The following COL27A1 variants were observed in gnomAD, a reference collection of about 807,000 sequenced individuals.
COL27A1 encodes collagen type XXVII alpha 1 chain, also known as collagen alpha-1(XXVII) chain.
COL27A1 carries 106 observed loss-of-function variants against 251.3 expected under a neutral mutation model. The observed-to-expected ratio is 0.42, with a 90% CI of 0.36 to 0.50. The LOEUF (loss-of-function observed/expected upper bound fraction) is 0.50. Among genes scored for constraint, COL27A1 ranks in the 20% least tolerant of loss-of-function variants. The probability of loss-of-function intolerance (pLI) is 0.00; values close to 1 mark genes in which losing one functional copy is unlikely to be tolerated. For synonymous variants in COL27A1, 1,000 were observed against 986.3 expected (o/e 1.01, Z -0.26); for missense variants, 2,325 against 2,522.8 (o/e 0.92, Z 1.68).
intron 37 of COL27A1, among the ~76,000 whole-genome samples, chr9:114,279,512 C>T (rs1043653681): frequency 6.6e-6 from 1 of 152,128 alleles, no homozygotes; most frequent in East Asian, 1.9e-4. Flanking sequence ...TTTCTAGTAG[C>T]CACCTTTAAA....
At position 114,182,614 on chromosome 9, in the gene COL27A1, A is replaced by T. The variant is rs188848802; in HGVS notation, c.1963-408A>T. ...AGCCTGAAGAAGCTGGGAAGGGCTGACGGGGCTAGGCTGAGAGATGTGGAG... is the reference window on the plus strand; with the variant it reads ...AGCCTGAAGAAGCTGGGAAGGGCTGTCGGGGCTAGGCTGAGAGATGTGGAG... On this transcript the variant is annotated intron_variant, in intron 4 of 60. Transcript: ENST00000356083. Among the ~76,000 whole-genome samples the T allele has an allele frequency of 5.2e-3, 797 of 152,296 alleles. 12 individuals are homozygous for T. The highest frequency in any genetic ancestry group is 0.019 in the African/African-American group (770 of 41,578).
chr9:114,220,872 G>A (rs549348252), intron 13 of COL27A1, among the ~76,000 whole-genome samples: 2 of 152,176 alleles, frequency 1.3e-5, no homozygotes, highest in African/African-American at 4.8e-5. Flanking sequence ...GCAGGCATCT[G>A]TAATCCCAGG....
intron 57 of COL27A1, chr9:114,306,166 A>C: frequency 5.3e-6 from 1 of 189,582 alleles, no homozygotes; most frequent in Admixed American, 5.7e-5. Flanking sequence ...AGCTCCCCCC[A>C]GCACCTCCCC....
chr9:114,251,416 C>T (rs1369143299), intron 25 of COL27A1, among the ~76,000 whole-genome samples: 1 of 152,092 alleles, frequency 6.6e-6, no homozygotes, highest in Admixed American at 6.5e-5. Context: ...CCTTCCTCCT[C>T]CTCCTCCTCC....
intron 7 of COL27A1, among the ~76,000 whole-genome samples, chr9:114,204,390 TA>T (rs1393982149): frequency 1.3e-5 from 2 of 152,220 alleles, no homozygotes; most frequent in Non-Finnish European, 2.9e-5. Context: ...CAGGTGATTA[TA>T]CCTGGTGCCA....
intron 34 of COL27A1, among the ~76,000 whole-genome samples, chr9:114,268,235 C>G (rs1340578078): frequency 6.6e-6 from 1 of 151,952 alleles, no homozygotes; most frequent in African/African-American, 2.4e-5. Context: ...CTCTGCCCTC[C>G]TCCTGTGCCC....
At position 114,288,455 on chromosome 9, in the gene COL27A1, G is replaced by T. The variant is rs1416466386; in HGVS notation, c.3988G>T (p.Gly1330Trp). The T allele has an allele frequency of 1.2e-6, 2 of 1,609,988 alleles. No individual in the cohort carries two copies. The highest frequency in any genetic ancestry group is 8.5e-7 in the Non-Finnish European group (1 of 1,178,888). Residue 1330 changes from glycine (G) to tryptophan (W), a missense_variant and splice_region_variant, in exon 42 of 61, where the codon GGG (glycine) becomes TGG (tryptophan). Gly to Trp is a radical substitution (Grantham distance 184). Around this residue, in one of 4 missense-constraint regions of COL27A1, gnomAD observed 662 missense variants for 795.3 expected, o/e 0.83. Transcript: ENST00000356083. ...LGPPGPKGEK[G>W]EQGEDGKAEG... ...CCTAAAGCTGGTTCTGTGTCCACAG[G>T]GGGAGCAGGGCGAGGACGGCAAGGC...
chr9:114,285,478 CCTGT>C (rs1827407053), intron 41 of COL27A1, among the ~76,000 whole-genome samples: 1 of 152,164 alleles, frequency 6.6e-6, no homozygotes, highest in African/African-American at 2.4e-5. Flanking sequence ...CTGAGTCCCT[CCTGT>C]CTTTCCTCCT....
At chr9:114,159,211 G>C (rs184172891) in intron 1 of COL27A1, among the ~76,000 whole-genome samples, 2 of 152,306 alleles carry the variant, frequency 1.3e-5, no homozygotes, top group East Asian at 3.9e-4. Context: ...TTGAAGAGAA[G>C]ATTCTGATTC....
intron 25 of COL27A1, among the ~76,000 whole-genome samples, chr9:114,251,277 T>C (rs1588770211): frequency 6.6e-6 from 1 of 152,164 alleles, no homozygotes; most frequent in South Asian, 2.1e-4. Context: ...ATTATTCCCA[T>C]TGAATAGATG....
intron 59 of COL27A1, 152 bp from the exon 60 acceptor site, chr9:114,309,108 G>A (rs944202309): frequency 2.5e-5 from 18 of 718,574 alleles, no homozygotes; most frequent in Middle Eastern, 6.3e-4. Flanking sequence ...CAGTTTCCCC[G>A]TCTATCAAGT....
intron 4 of COL27A1, among the ~76,000 whole-genome samples, chr9:114,180,612 G>C (rs1827826640): frequency 6.6e-6 from 1 of 152,160 alleles, no homozygotes; most frequent in African/African-American, 2.4e-5. Flanking sequence ...ACAGATGGGG[G>C]CTCTGGGGCT....
At chr9:114,230,722 C>T (rs558214491) in intron 14 of COL27A1, among the ~76,000 whole-genome samples, 5 of 152,188 alleles carry the variant, frequency 3.3e-5, no homozygotes, top group African/African-American at 1.2e-4. Flanking sequence ...ACAGCAGCTC[C>T]GGGGGGACAG....
intron 34 of COL27A1, 147 bp from the exon 35 acceptor site, chr9:114,269,094 C>T (rs1052854831): frequency 1.7e-6 from 1 of 575,602 alleles, no homozygotes; most frequent in Non-Finnish European, 3.1e-6. Context: ...TGGTGTTTTA[C>T]GATTTCTCTG....
chr9:114,301,044 G>A (rs751734763), intron 51 of COL27A1, 28 bp from the exon 52 acceptor site: 3 of 1,581,306 alleles, frequency 1.9e-6, no homozygotes, highest in Admixed American at 1.8e-5. Flanking sequence ...CTGGAACAAG[G>A]ACACATGAGC....
chr9:114,227,347 G>T (rs925096568), intron 14 of COL27A1, among the ~76,000 whole-genome samples: 3 of 146,414 alleles, frequency 2.0e-5, no homozygotes, highest in Admixed American at 1.4e-4. Flanking sequence ...GCCAACTCAG[G>T]CCTTGTGAGC....
chr9:114,306,528 C>G lies in COL27A1; in HGVS notation c.4947C>G (p.Ser1649Arg). 6.2e-7 allele frequency: 1 copy of G among 1,614,018 alleles called. No individual in the cohort carries two copies. The highest frequency in any genetic ancestry group is 8.5e-7 in the Non-Finnish European group (1 of 1,180,004). Residue 1649 changes from serine (S) to arginine (R), a missense_variant, in exon 58 of 61, where the codon AGC (serine) becomes AGG (arginine). Physicochemically the swap from Ser to Arg is moderately radical, Grantham distance 110. Transcript: ENST00000356083. ...CCCTCTCCTCGTGACAGAGTTACAG[C>G]TATCCAGACCGGCTGGTGCTGGACC... ...TSGALRPESY[S>R]YPDRLVLDQG...
At chr9:114,200,986 G>A (rs1007022023) in intron 7 of COL27A1, among the ~76,000 whole-genome samples, 6 of 152,204 alleles carry the variant, frequency 3.9e-5, no homozygotes, top group East Asian at 1.9e-4. Flanking sequence ...AGGCAAGGAC[G>A]GGACCCCTCC....
At position 114,168,771 on chromosome 9, in the gene COL27A1, C is replaced by G. The variant is rs1849088219; in HGVS notation, c.1216C>G (p.Gln406Glu). ...FTKSALPTQK[Q>E]VPPTSRPVPA... ...AAAGTCAGCCCTACCCACTCAGAAG[C>G]AAGTGCCACCTACTTCCCGTCCAGT... is the stretch of plus-strand genomic sequence containing the variant. Residue 406 changes from glutamine (Q) to glutamate (E), a missense_variant, in exon 3 of 61, where the codon CAA becomes GAA. Gln to Glu is a conservative substitution (Grantham distance 29). This residue lies in a region of COL27A1 where 1,183 missense variants were observed against 1,144.1 expected (regional missense o/e 1.03). Transcript: ENST00000356083. 2 of 1,614,026 alleles carry G rather than the reference C, an allele frequency of 1.2e-6. No individual in the cohort carries two copies. The highest frequency in any genetic ancestry group is 2.2e-5 in the East Asian group (1 of 44,868).
Sources: gnomAD v4.1 joint callset for allele counts (sites outside exome capture counted in the v4.1 genomes callset) on GRCh38, gnomAD v4.1.1 for gene constraint, gnomAD v4.1.1 regional missense constraint, MANE v1.5 for transcripts, NCBI Gene and HGNC (gene_info 2026-07-23, HGNC 2026-07-21) for gene names.